Variants in MAPKBP1 observed in about 807,000 individuals in gnomAD.
The protein encoded by MAPKBP1 is mitogen-activated protein kinase-binding protein 1.
A neutral mutation model predicts 170.5 loss-of-function variants in MAPKBP1; 71 were observed. The observed-to-expected ratio is 0.42, with a 90% CI of 0.34 to 0.51. MAPKBP1 has a LOEUF of 0.51. Among genes scored for constraint, MAPKBP1 ranks in the 20% least tolerant of loss-of-function variants. The pLI is 0.06. For synonymous variants in MAPKBP1, 719 were observed against 757.9 expected (o/e 0.95, Z 0.84); for missense variants, 1,598 against 1,933.0 (o/e 0.83, Z 3.25).
intron 1 of MAPKBP1, 132 bp downstream of exon 1, chr15:41,774,742 C>T (rs2064066610): frequency 2.5e-6 from 1 of 399,718 alleles, no homozygotes; most frequent in Non-Finnish European, 4.4e-6. Context: ...GAGGGAGGCT[C>T]CCGTGGCAGA....
chr15:41,784,893 TA>T (rs35451237), intron 2 of MAPKBP1, among the ~76,000 whole-genome samples: 74 of 105,662 alleles, frequency 7.0e-4, no homozygotes, highest in African/African-American at 1.4e-3. Flanking sequence ...ACCCTATCTG[TA>T]AAAAAAAAAA....
At chr15:41,806,622 C>CT (rs1957833896) in intron 3 of MAPKBP1, among the ~76,000 whole-genome samples, 1 of 152,218 alleles carries the variant, frequency 6.6e-6, no homozygotes, top group Admixed American at 6.5e-5. Flanking sequence ...CTCCCCCAGG[C>CT]TGAGGCCTTA....
chr15:41,801,301 A>G (rs992985890), intron 3 of MAPKBP1, among the ~76,000 whole-genome samples: 4 of 152,164 alleles, frequency 2.6e-5, no homozygotes, highest in Non-Finnish European at 5.9e-5. Flanking sequence ...TGCTCCTACA[A>G]GTGGGAAACC....
In MAPKBP1 at chr15:41,818,468, T is replaced by G. The variant is rs767450650; in HGVS notation, c.2093-51T>G. Reference sequence around the variant, plus strand: ...TGTCCACTGTTGGGATGGAGAGGACTTGGTTGGGAATTTAAGGTGGCTTAT... The same window carrying G: ...TGTCCACTGTTGGGATGGAGAGGACGTGGTTGGGAATTTAAGGTGGCTTAT... On this transcript the variant is annotated intron_variant, in intron 18 of 30. Coordinates refer to ENST00000457542, the MANE Select transcript of MAPKBP1 (RefSeq NM_014994.3). This position sits in a 1 kb window ranked among gnomAD's most constrained non-coding sequence, Gnocchi z 5.2. 1.7e-5 allele frequency: 27 copies of G among 1,574,804 alleles called. No individual in the cohort carries two copies. The South Asian group carries it at 2.6e-4, about 15-fold the overall frequency.
intron 2 of MAPKBP1, among the ~76,000 whole-genome samples, chr15:41,788,290 T>C (rs1267142800): frequency 1.3e-5 from 2 of 152,142 alleles, no homozygotes; most frequent in African/African-American, 4.8e-5. Context: ...TTTTTGAGTA[T>C]TTAAAAAATT....
rs2064907036 is a variant in MAPKBP1, at chr15:41,817,221, G to A, written c.1712-167G>A. Among the ~76,000 whole-genome samples, 1 of 152,204 alleles carries A rather than the reference G, an allele frequency of 6.6e-6. No individual in the cohort carries two copies. Among genetic ancestry groups the A allele is most frequent in the African/African-American group, 2.4e-5 (1 of 41,442 alleles). On this transcript the variant is annotated intron_variant, in intron 14 of 30. Coordinates refer to ENST00000457542, the MANE Select transcript of MAPKBP1 (RefSeq NM_014994.3). This position sits in a 1 kb window ranked among gnomAD's most constrained non-coding sequence, Gnocchi z 4.2. The stretch of plus-strand genomic sequence containing the variant: ...GCTGGGACTTGAGCCAACCAGGTTG[G>A]ACTGAGGATAAGGAGACAGGAAAAC...
At position 41,825,454 on chromosome 15, in the gene MAPKBP1, C is replaced by G. The variant is rs779712896; in HGVS notation, c.*18C>G. Reference sequence around the variant, plus strand: ...AACTCTGAGTTCTGGAAGCCTGTCCCAAGTGAATGAATGCTCCAGCGATTC... The same window carrying G: ...AACTCTGAGTTCTGGAAGCCTGTCCGAAGTGAATGAATGCTCCAGCGATTC... On this transcript the variant is annotated 3_prime_UTR_variant, in exon 31 of 31. Coordinates refer to ENST00000457542, the MANE Select transcript of MAPKBP1 (RefSeq NM_014994.3). 6.3e-7 allele frequency: 1 copy of G among 1,578,162 alleles called. No homozygotes were observed. Among genetic ancestry groups the G allele is most frequent in the Non-Finnish European group, 8.7e-7 (1 of 1,155,818 alleles).
At chr15:41,779,306 G>T (rs1025538574) in intron 2 of MAPKBP1, among the ~76,000 whole-genome samples, 2 of 152,304 alleles carry the variant, frequency 1.3e-5, no homozygotes, top group South Asian at 4.1e-4. Context: ...TGCCTCCCGG[G>T]TTCAAGCGAT....
chr15:41,812,154 C>T (rs2064817921), intron 6 of MAPKBP1, 27 bp downstream of exon 6: 3 of 1,612,836 alleles, frequency 1.9e-6, no homozygotes, highest in East Asian at 4.5e-5. Flanking sequence ...GGTGGCCTGG[C>T]AGCCTCACAG....
rs751962626 is a variant in MAPKBP1 at position 41,825,414 on chromosome 15, G to A, written c.4505G>A (p.Arg1502Gln). Residue 1502 changes from arginine to glutamine, a missense_variant, in exon 31 of 31, where the codon CGG (arginine) becomes CAG (glutamine). By Grantham distance (43) the Arg-to-Gln change is conservative. Around this residue, in one of 6 missense-constraint regions of MAPKBP1, gnomAD observed 942 missense variants for 953.2 expected, o/e 0.99. Transcript: ENST00000457542. Reference sequence around the variant, plus strand: ...GAACTGTTGCTTCGAGCCGTGGAACGGCGTATGGAACGCAAACTCTGAGTT... The same window carrying A: ...GAACTGTTGCTTCGAGCCGTGGAACAGCGTATGGAACGCAAACTCTGAGTT... ...YSELLLRAVERRMERKL is the reference protein window; with the variant it reads ...YSELLLRAVEQRMERKL 1.6e-5 allele frequency: 25 copies of A among 1,610,358 alleles called. No homozygotes were observed. The highest frequency in any genetic ancestry group is 5.3e-5 in the African/African-American group (4 of 74,896).
At position 41,816,933 on chromosome 15, in the gene MAPKBP1, A is replaced by G; in HGVS notation, c.1609A>G (p.Ser537Gly). ...DTGLKLLASA[S>G]RDRLIHVLDA... ...AGGTCTGAAACTGCTAGCATCGGCG[A>G]GCCGGGACCGGCTGATCCATGTGCT... The change falls in exon 14 of 31, where the codon AGC (serine) becomes GGC (glycine). Residue 537 changes from serine to glycine, a missense_variant. Ser to Gly is a moderately conservative substitution (Grantham distance 56). Around this residue, in one of 6 missense-constraint regions of MAPKBP1, gnomAD observed 430 missense variants for 617.2 expected, o/e 0.70. Coordinates refer to ENST00000457542, the MANE Select transcript of MAPKBP1 (RefSeq NM_014994.3). The G allele has an allele frequency of 6.2e-7, 1 of 1,611,298 alleles. No homozygotes were observed. The highest frequency in any genetic ancestry group is 8.5e-7 in the Non-Finnish European group (1 of 1,178,186).
rs751744892 is a variant in MAPKBP1 at position 41,823,761 on chromosome 15, G to A, written c.3913G>A (p.Ala1305Thr). 1 of 1,614,112 alleles carries A rather than the reference G, an allele frequency of 6.2e-7. No homozygotes were observed. The highest frequency in any genetic ancestry group is 2.2e-5 in the East Asian group (1 of 44,868). ...PKPLPDRPTL[A>T]AFSPVTKGRA... is the part of the protein sequence containing the mutation. ...ACCACTGCCTGACCGTCCTACCCTG[G>A]CTGCATTCTCTCCTGTCACCAAAGG... The change falls in exon 29 of 31, where the codon GCT becomes ACT. Residue 1305 changes from alanine to threonine, a missense_variant. Ala to Thr is a moderately conservative substitution (Grantham distance 58, BLOSUM62 0). Around this residue, in one of 6 missense-constraint regions of MAPKBP1, gnomAD observed 942 missense variants for 953.2 expected, o/e 0.99. Coordinates refer to ENST00000457542, the MANE Select transcript of MAPKBP1 (RefSeq NM_014994.3).
In MAPKBP1 at chr15:41,826,526, A is replaced by G. The variant is rs1049701079; in HGVS notation, c.*1090A>G. ...CCACCCTGGCTTATGTGGAACACCT[A>G]TCAGGGAGCAGAAAAGGGGTGCAGT... On this transcript the variant is annotated 3_prime_UTR_variant, in exon 31 of 31. Transcript: ENST00000457542. 1 of 152,048 alleles carries G rather than the reference A, an allele frequency of 6.6e-6. No homozygotes were observed. 9.4% of individuals were successfully genotyped at this position (152,048 alleles called of 1,614,324 possible).
At chr15:41,796,523 G>A (rs2064492230) in intron 2 of MAPKBP1, among the ~76,000 whole-genome samples, 1 of 152,108 alleles carries the variant, frequency 6.6e-6, no homozygotes, top group Non-Finnish European at 1.5e-5. Context: ...TTTGAGTTAA[G>A]AACATAAAAT....
chr15:41,817,522 G>A lies in MAPKBP1; in HGVS notation c.1782+64G>A. The A allele has an allele frequency of 6.2e-7, 1 of 1,613,748 alleles. No homozygotes were observed. The highest frequency in any genetic ancestry group is 8.5e-7 in the Non-Finnish European group (1 of 1,179,704). On this transcript the variant is annotated intron_variant, in intron 15 of 30. Transcript: ENST00000457542. This position sits in a 1 kb window ranked among gnomAD's most constrained non-coding sequence, Gnocchi z 4.2. ...GCGGGGTCTGCCATTCCCTGCCTAA[G>A]GTTACAAGAGGTGAAGGGAGGCGCA...
chr15:41,819,552 G>GT (rs1555454052), intron 21 of MAPKBP1, 43 bp from the exon 22 acceptor site: 4 of 1,508,798 alleles, frequency 2.7e-6, no homozygotes, highest in South Asian at 2.3e-5. Flanking sequence ...GGTGGCGGGG[G>GT]GGGGGCAGGA....
chr15:41,825,586 G>A lies in MAPKBP1; in HGVS notation c.*150G>A. ...GCAGCCTTCCCAGCCGCTCCTCGTG[G>A]GGGGCCTGTATTTATTAATTTATTT... On this transcript the variant is annotated 3_prime_UTR_variant, in exon 31 of 31. Coordinates refer to ENST00000457542, the MANE Select transcript of MAPKBP1 (RefSeq NM_014994.3). The A allele has an allele frequency of 1.6e-6, 1 of 616,036 alleles. No homozygotes were observed. Among genetic ancestry groups the A allele is most frequent in the Non-Finnish European group, 2.8e-6 (1 of 363,046 alleles). 38.2% of individuals were successfully genotyped at this position (616,036 alleles called of 1,614,324 possible).
At chr15:41,775,091 C>A (rs555877780) in intron 1 of MAPKBP1, 76 bp from the exon 2 acceptor site, 1 of 599,502 alleles carries the variant, frequency 1.7e-6, no homozygotes, top group Non-Finnish European at 3.0e-6. Flanking sequence ...AGAGCAATAC[C>A]CAGAGGTAAA....
At chr15:41,800,449 C>T (rs1043470892) in intron 3 of MAPKBP1, among the ~76,000 whole-genome samples, 1 of 151,590 alleles carries the variant, frequency 6.6e-6, no homozygotes, top group Non-Finnish European at 1.5e-5. Context: ...CTCAAGCAAT[C>T]CTCCCACCTC....
Sources: gnomAD v4.1 joint callset for allele counts (sites outside exome capture counted in the v4.1 genomes callset) on GRCh38, gnomAD v4.1.1 for gene constraint, gnomAD v4.1.1 regional missense constraint, Gnocchi (gnomAD v3.1) non-coding constraint, MANE v1.5 for transcripts, NCBI Gene and HGNC (gene_info 2026-07-23, HGNC 2026-07-21) for gene names.